The following KCNC2 variants were observed in gnomAD, a reference collection of about 807,000 sequenced individuals.
KCNC2 encodes the protein potassium voltage-gated channel subfamily C member 2.
KCNC2 carries 21 observed loss-of-function variants against 44.5 expected under a neutral mutation model. The observed-to-expected ratio is 0.47, with a 90% CI of 0.33 to 0.68. The LOEUF (loss-of-function observed/expected upper bound fraction) is 0.68. KCNC2 is among the 30% of genes least tolerant of loss of function. The pLI is 0.01. For synonymous variants in KCNC2, 391 were observed against 339.1 expected, an observed-to-expected ratio of 1.15 and a Z score of -1.68; for missense variants, 589 against 826.2, an observed-to-expected ratio of 0.71 and a Z score of 3.52.
At chr12:75,125,358 T>A (rs1363252383) in intron 2 of KCNC2, among the ~76,000 whole-genome samples, 2 of 152,220 alleles carry the variant, frequency 1.3e-5, no homozygotes, top group African/African-American at 4.8e-5. Flanking sequence ...GAATCAAAAT[T>A]AGACAAACCG....
chr12:75,076,508 G>A (rs1346044815), intron 2 of KCNC2, among the ~76,000 whole-genome samples: 3 of 151,992 alleles, frequency 2.0e-5, no homozygotes, highest in African/African-American at 4.8e-5. Context: ...TCCTGACCTC[G>A]TGATCCGCCC....
At chr12:75,109,697 T>C (rs1197844481) in intron 2 of KCNC2, among the ~76,000 whole-genome samples, 1 of 151,944 alleles carries the variant, frequency 6.6e-6, no homozygotes, top group Non-Finnish European at 1.5e-5. Flanking sequence ...GTCTAGCATA[T>C]ACAGGACCCT....
At chr12:75,100,943 T>C (rs1886325174) in intron 2 of KCNC2, among the ~76,000 whole-genome samples, 1 of 152,136 alleles carries the variant, frequency 6.6e-6, no homozygotes, top group Admixed American at 6.6e-5. Context: ...TTATGTACAT[T>C]AATTTTCTTT....
At chr12:75,077,898 G>C (rs1315904623) in intron 2 of KCNC2, among the ~76,000 whole-genome samples, 1 of 151,942 alleles carries the variant, frequency 6.6e-6, no homozygotes. Flanking sequence ...ATCCCAAAAG[G>C]AGAGTGGTAT....
chr12:75,102,858 C>T (rs1200549580), intron 2 of KCNC2, among the ~76,000 whole-genome samples: 1 of 152,016 alleles, frequency 6.6e-6, no homozygotes, highest in Non-Finnish European at 1.5e-5. Context: ...ACAGGGAAAC[C>T]ATGCCTTCAA....
intron 2 of KCNC2, among the ~76,000 whole-genome samples, chr12:75,104,954 TC>T (rs1050659132): frequency 1.2e-4 from 19 of 152,124 alleles, no homozygotes; most frequent in Admixed American, 2.0e-4. Flanking sequence ...TTTTAGTATC[TC>T]CCATGTTAGG....
chr12:75,147,235 A>G (rs1405936101), intron 2 of KCNC2, among the ~76,000 whole-genome samples: 1 of 152,186 alleles, frequency 6.6e-6, no homozygotes, highest in Non-Finnish European at 1.5e-5. Context: ...CAAGGTATTT[A>G]CAGACAGAAA....
intron 2 of KCNC2, among the ~76,000 whole-genome samples, chr12:75,184,155 G>A (rs1332118775): frequency 2.6e-5 from 4 of 152,060 alleles, no homozygotes; most frequent in Non-Finnish European, 5.9e-5. Context: ...ATATTTGATA[G>A]TAATGCTTAG....
At position 75,050,509 on chromosome 12, in the gene KCNC2, G is replaced by A. The variant is rs781334718; in HGVS notation, c.1496C>T (p.Pro499Leu). The change falls in exon 3 of 5, where the codon CCT (proline) becomes CTT (leucine). Residue 499 changes from proline (P) to leucine (L), a missense_variant. By Grantham distance (98) the Pro-to-Leu change is moderately conservative (BLOSUM62 -3). Coordinates refer to ENST00000549446, the MANE Select transcript of KCNC2 (RefSeq NM_139137.4). ...AGTAGGTGAGCTTGCCTGAGGAGCAGGAGGGATGTGCTTCTTTCTTTTCCT... is the reference window on the plus strand; with the variant it reads ...AGTAGGTGAGCTTGCCTGAGGAGCAAGAGGGATGTGCTTCTTTCTTTTCCT... Reference protein sequence around the residue: ...LPRKRKKHIPPAPQASSPTFC... With the variant: ...LPRKRKKHIPLAPQASSPTFC... The A allele has an allele frequency of 1.2e-6, 2 of 1,613,564 alleles. No individual in the cohort carries two copies. The highest frequency in any genetic ancestry group is 2.7e-5 in the African/African-American group (2 of 74,878).
At chr12:75,147,547 T>A (rs1890110861) in intron 2 of KCNC2, among the ~76,000 whole-genome samples, 1 of 152,196 alleles carries the variant, frequency 6.6e-6, no homozygotes, top group African/African-American at 2.4e-5. Flanking sequence ...ACTATAGTCA[T>A]CATCTAAGGT....
At chr12:75,148,940 T>G (rs1424693714) in intron 2 of KCNC2, among the ~76,000 whole-genome samples, 1 of 151,822 alleles carries the variant, frequency 6.6e-6, no homozygotes, top group African/African-American at 2.4e-5. Context: ...CTTACATTTT[T>G]ATGTCACATT....
intron 4 of KCNC2, among the ~76,000 whole-genome samples, chr12:75,047,598 A>C (rs1880672227): frequency 6.6e-6 from 1 of 152,104 alleles, no homozygotes; most frequent in Non-Finnish European, 1.5e-5. Context: ...TGAAGTGATT[A>C]GACATACTGT....
intron 2 of KCNC2, among the ~76,000 whole-genome samples, chr12:75,118,930 A>T (rs1041829426): frequency 6.6e-6 from 1 of 152,226 alleles, no homozygotes; most frequent in Non-Finnish European, 1.5e-5. Flanking sequence ...GGCAGAGGAA[A>T]CTACACTGGA....
intron 2 of KCNC2, among the ~76,000 whole-genome samples, chr12:75,107,724 A>G (rs776178014): frequency 3.3e-5 from 5 of 152,158 alleles, no homozygotes; most frequent in Non-Finnish European, 7.4e-5. Context: ...AAAAAAATCA[A>G]TGTTTGAGTA....
intron 2 of KCNC2, among the ~76,000 whole-genome samples, chr12:75,161,694 T>C (rs992980394): frequency 6.6e-6 from 1 of 151,728 alleles, no homozygotes; most frequent in East Asian, 1.9e-4. Flanking sequence ...GAAAATGTCG[T>C]CTGCATACAC....
At chr12:75,108,248 A>T (rs556958730) in intron 2 of KCNC2, among the ~76,000 whole-genome samples, 10 of 152,206 alleles carry the variant, frequency 6.6e-5, no homozygotes, top group Non-Finnish European at 1.5e-4. Context: ...ATGGATATGC[A>T]CTATACTAAT....
At chr12:75,140,882 A>T (rs1889602902) in intron 2 of KCNC2, among the ~76,000 whole-genome samples, 1 of 152,144 alleles carries the variant, frequency 6.6e-6, no homozygotes, top group Admixed American at 6.6e-5. Context: ...TGCCAAGAAA[A>T]AAAAAACAAA....
At chr12:75,155,995 A>G (rs918993721) in intron 2 of KCNC2, among the ~76,000 whole-genome samples, 4 of 145,026 alleles carry the variant, frequency 2.8e-5, no homozygotes, top group African/African-American at 1.1e-4. Context: ...TCTTTAGAGG[A>G]AGTGGAGTTG....
intron 2 of KCNC2, among the ~76,000 whole-genome samples, chr12:75,078,959 G>A (rs546219823): frequency 6.6e-6 from 1 of 152,152 alleles, no homozygotes; most frequent in South Asian, 2.1e-4. Flanking sequence ...TTTAAGGTAA[G>A]GACAGAGAGA....
Sources: allele counts gnomAD v4.1 joint callset (sites outside exome capture counted in the v4.1 genomes callset), GRCh38; gene constraint gnomAD v4.1.1; transcripts MANE v1.5; gene names NCBI Gene and HGNC (gene_info 2026-07-23, HGNC 2026-07-21).